The following DGUOK variants were observed in gnomAD, a reference collection of about 807,000 sequenced individuals.
The protein encoded by DGUOK is deoxyguanosine kinase, mitochondrial.
DGUOK carries 30 observed loss-of-function variants against 36.6 expected under a neutral mutation model. The ratio of observed to expected loss-of-function variants is 0.82; its 90% confidence interval spans 0.61 to 1.11. The LOEUF (loss-of-function observed/expected upper bound fraction) is 1.11, where lower values mean the gene tolerates loss of function less well. Among genes scored for constraint, DGUOK ranks in the 50% most tolerant of loss-of-function variants. The pLI, the probability that DGUOK is intolerant of heterozygous loss-of-function variation, is 0.00. For synonymous variants in DGUOK, 145 were observed against 126.3 expected, an observed-to-expected ratio of 1.15 and a Z score of -0.99; for missense variants, 361 against 336.4, an observed-to-expected ratio of 1.07 and a Z score of -0.57.
chr2:73,958,836 C>T lies in DGUOK; in HGVS notation c.*100C>T, dbSNP rs938913808. The T allele has an allele frequency of 4.7e-5, 47 of 1,006,638 alleles. No individual in the cohort carries two copies. The African/African-American group carries it at 6.6e-4, about 14-fold the overall frequency. 62.4% of individuals were successfully genotyped at this position (1,006,638 alleles called of 1,614,324 possible). A position where few individuals can be genotyped will look rare whatever the true frequency, so the allele number is the denominator to read the frequency against. On this transcript the variant is annotated 3_prime_UTR_variant, in exon 7 of 7. Coordinates refer to ENST00000264093, the MANE Select transcript of DGUOK (RefSeq NM_080916.3). Reference sequence around the variant, plus strand: ...CCACCTTTCCATCCCCAGCCCCTCTCATCCCTGGAGCACTCTGCCGCTCAA... The same window carrying T: ...CCACCTTTCCATCCCCAGCCCCTCTTATCCCTGGAGCACTCTGCCGCTCAA...
chr2:73,957,322 C>T, intron 5 of DGUOK, 82 bp downstream of exon 5: 1 of 996,428 alleles, frequency 1.0e-6, no homozygotes, highest in Non-Finnish European at 1.6e-6. Flanking sequence ...CAGCATGCAG[C>T]CCCCTGTAGG....
chr2:73,958,044 G>T, intron 5 of DGUOK, 102 bp from the exon 6 acceptor site: 1 of 890,232 alleles, frequency 1.1e-6, no homozygotes, highest in Non-Finnish European at 1.8e-6. Flanking sequence ...AAGTCATGTT[G>T]AATTTAGATC....
At chr2:73,953,896 T>G (rs988272955) in intron 4 of DGUOK, among the ~76,000 whole-genome samples, 47 of 151,998 alleles carry the variant, frequency 3.1e-4, no homozygotes, top group Non-Finnish European at 1.5e-4. Context: ...TTTTTTTTTG[T>G]ATTTTTAGTA....
chr2:73,956,980 CATA>C, intron 4 of DGUOK, 142 bp from the exon 5 acceptor site: 2 of 522,520 alleles, frequency 3.8e-6, no homozygotes, highest in South Asian at 2.8e-5. Flanking sequence ...CCTCTGATTG[CATA>C]AGAAAACAAG....
In DGUOK at chr2:73,953,757, T is replaced by A. The variant is rs1304207782; in HGVS notation, c.591+3025T>A. 4.3e-5 allele frequency among the ~76,000 whole-genome samples: 6 copies of A among 138,832 alleles called. No individual in the cohort carries two copies. The Admixed American group carries it at 4.6e-4, about 11-fold the overall frequency. The allele number at this position is 138,832 out of a possible 152,430, so 91.1% of individuals were successfully genotyped here. A position where few individuals can be genotyped will look rare whatever the true frequency, so the allele number is the denominator to read the frequency against. On this transcript the variant is annotated intron_variant, in intron 4 of 6. Coordinates refer to ENST00000264093, the MANE Select transcript of DGUOK (RefSeq NM_080916.3). ...TTTTTTTTTTGAGACAGAGTTTTGCTCTGTTGCCCAGGCTGGAGTGGCACG... is the reference window on the plus strand; with the variant it reads ...TTTTTTTTTTGAGACAGAGTTTTGCACTGTTGCCCAGGCTGGAGTGGCACG...
intron 4 of DGUOK, among the ~76,000 whole-genome samples, chr2:73,953,369 G>C (rs1286852222): frequency 1.3e-5 from 2 of 151,928 alleles, no homozygotes; most frequent in Admixed American, 6.6e-5. Context: ...ATTTCAGCTG[G>C]AGTAGAATGA....
At chr2:73,948,991 G>A (rs937150168) in intron 3 of DGUOK, among the ~76,000 whole-genome samples, 4 of 152,060 alleles carry the variant, frequency 2.6e-5, no homozygotes, top group African/African-American at 7.2e-5. Context: ...TCGCTCTGTC[G>A]CCCAGGCTGG....
chr2:73,946,599 T>G (rs947344769), intron 2 of DGUOK, 120 bp from the exon 3 acceptor site: 1 of 927,840 alleles, frequency 1.1e-6, no homozygotes, highest in Non-Finnish European at 1.7e-6. Context: ...ACTTTTGTAA[T>G]TTCTTCTTTC....
At chr2:73,932,312 C>G (rs1240731721) in intron 1 of DGUOK, among the ~76,000 whole-genome samples, 1 of 152,190 alleles carries the variant, frequency 6.6e-6, no homozygotes, top group Non-Finnish European at 1.5e-5. Context: ...TCACTGCCTC[C>G]TCTGTGGGCT....
chr2:73,933,943 A>G (rs909721919), intron 1 of DGUOK, among the ~76,000 whole-genome samples: 2 of 152,238 alleles, frequency 1.3e-5, no homozygotes, highest in Non-Finnish European at 2.9e-5. Flanking sequence ...TAAAAAAGAC[A>G]TTAGACAGTT....
chr2:73,950,045 T>C (rs530284044), intron 3 of DGUOK, among the ~76,000 whole-genome samples: 1 of 152,354 alleles, frequency 6.6e-6, no homozygotes, highest in African/African-American at 2.4e-5. Context: ...TTCTGCTCCA[T>C]AGAGGACACC....
chr2:73,927,186 T>A, intron 1 of DGUOK, 134 bp downstream of exon 1: 1 of 1,256,862 alleles, frequency 8.0e-7, no homozygotes, highest in East Asian at 2.5e-5. Context: ...GGAGAGCCTT[T>A]CCCCTCGCAA....
intron 2 of DGUOK, 56 bp downstream of exon 2, chr2:73,939,078 C>A: frequency 1.7e-6 from 2 of 1,183,492 alleles, no homozygotes; most frequent in South Asian, 2.4e-5. Context: ...ATCTAATTGT[C>A]ATAATTTAAT....
chr2:73,938,155 G>T (rs975920952), intron 1 of DGUOK, among the ~76,000 whole-genome samples: 1 of 152,080 alleles, frequency 6.6e-6, no homozygotes, highest in African/African-American at 2.4e-5. Context: ...GCTTCTTCTA[G>T]GGCCTCAAAC....
chr2:73,931,410 G>A (rs1435964633), intron 1 of DGUOK, among the ~76,000 whole-genome samples: 1 of 152,208 alleles, frequency 6.6e-6, no homozygotes, highest in African/African-American at 2.4e-5. Flanking sequence ...AAGTAGCTGA[G>A]ACTACAGGCA....
intron 2 of DGUOK, among the ~76,000 whole-genome samples, chr2:73,946,074 C>G (rs1682283482): frequency 9.2e-6 from 1 of 109,238 alleles, no homozygotes; most frequent in South Asian, 2.9e-4. Context: ...AAAAAAAAAT[C>G]CGGGGCTGCT....
At chr2:73,932,176 G>A (rs1179603412) in intron 1 of DGUOK, among the ~76,000 whole-genome samples, 3 of 152,126 alleles carry the variant, frequency 2.0e-5, no homozygotes, top group African/African-American at 4.8e-5. Context: ...GGAAGTAAAT[G>A]CAATTGCCCA....
At chr2:73,947,370 T>TA (rs1491587371) in intron 3 of DGUOK, among the ~76,000 whole-genome samples, 1 of 152,192 alleles carries the variant, frequency 6.6e-6, no homozygotes, top group African/African-American at 2.4e-5. Context: ...CTTTTTTTTT[T>TA]ATTGTTCAAG....
chr2:73,934,754 CAAA>C (rs70965770), intron 1 of DGUOK, among the ~76,000 whole-genome samples: 5 of 122,138 alleles, frequency 4.1e-5, no homozygotes, highest in Admixed American at 8.2e-5. Context: ...GACTCTGTCT[CAAA>C]AAAAAAAAAA....
Sources: allele counts gnomAD v4.1 joint callset (sites outside exome capture counted in the v4.1 genomes callset), GRCh38; gene constraint gnomAD v4.1.1; transcripts MANE v1.5; gene names NCBI Gene and HGNC (gene_info 2026-07-23, HGNC 2026-07-21).